The following ZSCAN25 variants were observed in gnomAD, a reference collection of about 807,000 sequenced individuals.
ZSCAN25 encodes zinc finger and SCAN domain containing 25.
ZSCAN25 carries 27 observed loss-of-function variants against 38.7 expected under a neutral mutation model. The observed-to-expected ratio is 0.70, with a 90% confidence interval of 0.51 to 0.96. ZSCAN25 has a LOEUF of 0.96. ZSCAN25 is among the 40% of genes least tolerant of loss of function. The pLI is 0.00. For missense variants in ZSCAN25, 637 were observed against 705.9 expected (o/e 0.90, Z 1.11); for synonymous variants, 273 against 277.7 (o/e 0.98, Z 0.17).
chr7:99,710,684 T>C, the ZSCAN25 span: 1 of 1,613,382 alleles, frequency 6.2e-7, no homozygotes, highest in South Asian at 1.1e-5. Flanking sequence ...GAAGCATCTT[T>C]GCTAAGGCTT....
At chr7:99,660,727 C>A in the ZSCAN25 span, 1 of 1,555,440 alleles carries the variant, frequency 6.4e-7, no homozygotes. Flanking sequence ...TAGATGAAAT[C>A]TAAGTGAAGC....
chr7:99,680,490 C>T, the ZSCAN25 span, among the ~76,000 whole-genome samples: 1 of 152,184 alleles, frequency 6.6e-6, no homozygotes, highest in Non-Finnish European at 1.5e-5. Context: ...CCTCTTTTCT[C>T]TCTACCACCA....
At chr7:99,669,494 G>A in the ZSCAN25 span, among the ~76,000 whole-genome samples, 1 of 152,306 alleles carries the variant, frequency 6.6e-6, no homozygotes, top group Admixed American at 6.5e-5. Flanking sequence ...TCTGGAAGAT[G>A]TGGTAGATAT....
chr7:99,638,173 G>A, the ZSCAN25 span: 3 of 1,328,824 alleles, frequency 2.3e-6, no homozygotes, highest in Non-Finnish European at 3.0e-6. Context: ...AAGAGGAGAT[G>A]GTGGCGATAA....
chr7:99,707,935 T>C, the ZSCAN25 span: 12 of 1,613,866 alleles, frequency 7.4e-6, no homozygotes, highest in Non-Finnish European at 8.5e-6. Context: ...AGGGTGTGTA[T>C]ATGTAAGGAT....
intron 7 of ZSCAN25, among the ~76,000 whole-genome samples, chr7:99,624,906 G>A (rs1187479110): frequency 6.6e-6 from 1 of 152,220 alleles, no homozygotes; most frequent in Non-Finnish European, 1.5e-5. Context: ...GATGCCGGCG[G>A]GGAGAGGAAA....
chr7:99,644,439 G>A, the ZSCAN25 span, among the ~76,000 whole-genome samples: 1 of 152,230 alleles, frequency 6.6e-6, no homozygotes, highest in East Asian at 1.9e-4. Context: ...AAGGACAAGT[G>A]GAATTTTGTA....
At chr7:99,732,227 T>G in the ZSCAN25 span, among the ~76,000 whole-genome samples, 1 of 152,146 alleles carries the variant, frequency 6.6e-6, no homozygotes. Flanking sequence ...CTCTCTTGCT[T>G]CTGCTCCAGT....
the ZSCAN25 span, chr7:99,667,043 A>T: frequency 6.2e-7 from 1 of 1,613,994 alleles, no homozygotes; most frequent in East Asian, 2.2e-5. Flanking sequence ...GGCACTTTTC[A>T]TAAATCCCAC....
the ZSCAN25 span, among the ~76,000 whole-genome samples, chr7:99,694,659 A>G: frequency 6.6e-6 from 1 of 152,228 alleles, no homozygotes; most frequent in African/African-American, 2.4e-5. Flanking sequence ...AGGGAAAAAT[A>G]TGAAATTCCT....
the ZSCAN25 span, among the ~76,000 whole-genome samples, chr7:99,704,172 A>G: frequency 1.3e-5 from 2 of 152,210 alleles, no homozygotes; most frequent in Non-Finnish European, 2.9e-5. Flanking sequence ...AAGAGGTGTA[A>G]GAAAACATAT....
At chr7:99,685,839 C>T in the ZSCAN25 span, among the ~76,000 whole-genome samples, 19 of 152,240 alleles carry the variant, frequency 1.2e-4, no homozygotes, top group African/African-American at 3.9e-4. Context: ...TTTCTCCAGA[C>T]TTTGGTGGCC....
the ZSCAN25 span, chr7:99,717,558 A>T: frequency 6.2e-7 from 1 of 1,613,596 alleles, no homozygotes; most frequent in Non-Finnish European, 8.5e-7. Flanking sequence ...AATGTTGGAG[A>T]CAGCAATGAT....
chr7:99,660,874 A>T, the ZSCAN25 span, among the ~76,000 whole-genome samples: 60 of 152,240 alleles, frequency 3.9e-4, no homozygotes, highest in African/African-American at 1.2e-3. Context: ...GGTCTACATG[A>T]TTGTGGGCCA....
the ZSCAN25 span, among the ~76,000 whole-genome samples, chr7:99,713,827 T>C: frequency 3.3e-5 from 5 of 152,252 alleles, no homozygotes; most frequent in Non-Finnish European, 5.9e-5. Context: ...TCTGTCTTCT[T>C]CATCACCAAT....
the ZSCAN25 span, among the ~76,000 whole-genome samples, chr7:99,650,903 C>T: frequency 1.3e-5 from 2 of 152,124 alleles, no homozygotes; most frequent in Admixed American, 1.3e-4. Context: ...TTGATCTGTT[C>T]CATTAAGCTA....
At chr7:99,698,359 G>C in the ZSCAN25 span, among the ~76,000 whole-genome samples, 2 of 152,128 alleles carry the variant, frequency 1.3e-5, no homozygotes, top group Non-Finnish European at 2.9e-5. Flanking sequence ...TTTGCCTTTT[G>C]AGTGACCTCC....
the ZSCAN25 span, among the ~76,000 whole-genome samples, chr7:99,682,025 T>C: frequency 4.6e-5 from 7 of 152,078 alleles, no homozygotes; most frequent in Admixed American, 4.6e-4. Context: ...CTGGGGTGCA[T>C]TGTCATGATC....
chr7:99,649,350 GA>G, the ZSCAN25 span, among the ~76,000 whole-genome samples: 5 of 152,156 alleles, frequency 3.3e-5, no homozygotes, highest in African/African-American at 1.2e-4. Flanking sequence ...ACCGGTCCTG[GA>G]AATAAGACTT....
Sources: allele counts gnomAD v4.1 joint callset (sites outside exome capture counted in the v4.1 genomes callset), GRCh38; gene constraint gnomAD v4.1.1; transcripts MANE v1.5; gene names NCBI Gene and HGNC (gene_info 2026-07-23, HGNC 2026-07-21).